The following CWF19L2 variants were observed in gnomAD, a reference collection of about 807,000 sequenced individuals.
The protein encoded by CWF19L2 is CWF19-like protein 2.
CWF19L2 carries 98 observed loss-of-function variants against 111.7 expected under a neutral mutation model. That is an observed-to-expected ratio of 0.88 (90% confidence interval 0.75 to 1.04). The LOEUF (loss-of-function observed/expected upper bound fraction) is 1.04, where lower values mean the gene tolerates loss of function less well. Among genes scored for constraint, CWF19L2 ranks in the 50% least tolerant of loss-of-function variants. CWF19L2 has a pLI of 0.00. For synonymous variants in CWF19L2, 351 were observed against 342.9 expected, an observed-to-expected ratio of 1.02 and a Z score of -0.26; for missense variants, 1,101 against 1,051.4, an observed-to-expected ratio of 1.05 and a Z score of -0.65.
chr11:107,415,164 G>A (rs192836048), intron 10 of CWF19L2, among the ~76,000 whole-genome samples: 26 of 152,190 alleles, frequency 1.7e-4, no homozygotes, highest in East Asian at 9.7e-4. Context: ...CACCAGTCTC[G>A]TTGCTATTCT....
intron 10 of CWF19L2, among the ~76,000 whole-genome samples, chr11:107,409,931 T>C (rs764679359): frequency 1.2e-4 from 19 of 152,150 alleles, no homozygotes; most frequent in Non-Finnish European, 2.1e-4. Context: ...TATTACTCTA[T>C]GTACTAGATA....
intron 12 of CWF19L2, among the ~76,000 whole-genome samples, chr11:107,365,098 C>T (rs1262922020): frequency 2.3e-5 from 3 of 131,734 alleles, no homozygotes; most frequent in Non-Finnish European, 4.8e-5. Flanking sequence ...TTCCTCGACA[C>T]ATACACTCTC....
intron 12 of CWF19L2, among the ~76,000 whole-genome samples, chr11:107,374,335 G>C (rs1163970924): frequency 7.6e-6 from 1 of 131,482 alleles, no homozygotes; most frequent in Admixed American, 7.4e-5. Context: ...CACCAAAGTT[G>C]AAATGAAGGA....
chr11:107,429,806 CAAAAAAA>C (rs33980353), intron 7 of CWF19L2, among the ~76,000 whole-genome samples: 1 of 105,698 alleles, frequency 9.5e-6, no homozygotes, highest in Admixed American at 9.7e-5. Context: ...AGATTCTCAC[CAAAAAAA>C]AAAAAAAAAA....
chr11:107,344,473 T>G (rs1409135943), intron 14 of CWF19L2, among the ~76,000 whole-genome samples: 4 of 152,246 alleles, frequency 2.6e-5, no homozygotes, highest in Non-Finnish European at 4.4e-5. Flanking sequence ...CCCATATTCC[T>G]GAAGGATATT....
intron 10 of CWF19L2, 53 bp from the exon 11 acceptor site, chr11:107,392,948 G>T: frequency 8.8e-7 from 1 of 1,131,002 alleles, no homozygotes; most frequent in Non-Finnish European, 1.3e-6. Context: ...AATGTTGAAT[G>T]TTTTTATTTA....
At chr11:107,410,357 T>A (rs554088279) in intron 10 of CWF19L2, among the ~76,000 whole-genome samples, 2 of 152,174 alleles carry the variant, frequency 1.3e-5, no homozygotes, top group African/African-American at 2.4e-5. Flanking sequence ...CAGTAGAGAA[T>A]TCTTTCAGAA....
At chr11:107,405,839 C>CAA (rs1555023830) in intron 10 of CWF19L2, among the ~76,000 whole-genome samples, 1,548 of 81,216 alleles carry the variant, frequency 0.019, 28 homozygotes, top group African/African-American at 0.052. Flanking sequence ...TGAAGCAAGC[C>CAA]AAAAAAAAAA....
At chr11:107,415,601 A>G (rs922210855) in intron 10 of CWF19L2, among the ~76,000 whole-genome samples, 7 of 152,248 alleles carry the variant, frequency 4.6e-5, no homozygotes, top group Non-Finnish European at 1.0e-4. Context: ...ACAGTTAAGA[A>G]GCAGTTTGAC....
At chr11:107,364,926 G>A (rs1860415463) in intron 12 of CWF19L2, among the ~76,000 whole-genome samples, 2 of 89,136 alleles carry the variant, frequency 2.2e-5, no homozygotes, top group Admixed American at 2.4e-4. Context: ...TAGACCGCTA[G>A]CAAGACTAAT....
rs1369544177 is a variant in CWF19L2 at position 107,403,957 on chromosome 11, A to G, written c.1618-11062T>C. 1.8e-5 allele frequency: 16 copies of G among 885,604 alleles called. No homozygotes were observed. The East Asian group carries it at 3.9e-4, about 21-fold the overall frequency. The allele number at this position is 885,604 out of a possible 1,614,324, so 54.9% of individuals were successfully genotyped here. A position where few individuals can be genotyped will look rare whatever the true frequency, so the allele number is the denominator to read the frequency against. ...CCTGTCGTTTAAGGACCTGCATTCT[A>G]GCTGTTGCGACAACTGACCGAACGT... On this transcript the variant is annotated intron_variant, in intron 10 of 17. Coordinates refer to ENST00000282251, the MANE Select transcript of CWF19L2 (RefSeq NM_152434.3).
At chr11:107,423,485 T>C (rs958559447) in intron 8 of CWF19L2, among the ~76,000 whole-genome samples, 1 of 151,956 alleles carries the variant, frequency 6.6e-6, no homozygotes, top group African/African-American at 2.4e-5. Flanking sequence ...CAAATTCTTG[T>C]TTCCTAAGTG....
chr11:107,394,408 G>A (rs924636583), intron 10 of CWF19L2, among the ~76,000 whole-genome samples: 4 of 152,098 alleles, frequency 2.6e-5, no homozygotes, highest in Admixed American at 2.0e-4. Context: ...GATAAAGCTG[G>A]TCTCCCTAAG....
chr11:107,424,289 C>G (rs1375669463), intron 8 of CWF19L2, among the ~76,000 whole-genome samples: 1 of 151,494 alleles, frequency 6.6e-6, no homozygotes, highest in Non-Finnish European at 1.5e-5. Flanking sequence ...GCTCAGTTGC[C>G]CCATCTATCA....
Position 107,425,853 on chromosome 11 carries a change from G to A in CWF19L2, c.1433+2946C>T, listed in dbSNP as rs1861368578. Reference sequence around the variant, plus strand: ...TTAAATTTGTAAAACCAAAATTAAGGACTTCTCATTAATTTTTGTTCACAT... The same window carrying A: ...TTAAATTTGTAAAACCAAAATTAAGAACTTCTCATTAATTTTTGTTCACAT... On this transcript the variant is annotated intron_variant, in intron 8 of 17. Coordinates refer to ENST00000282251, the MANE Select transcript of CWF19L2 (RefSeq NM_152434.3). Among the ~76,000 whole-genome samples, 10 of 151,978 alleles carry A rather than the reference G, an allele frequency of 6.6e-5. 1 individual carries two copies. The highest frequency in any genetic ancestry group is 2.4e-4 in the African/African-American group (10 of 41,522).
chr11:107,387,548 T>G (rs1860788634), intron 12 of CWF19L2, among the ~76,000 whole-genome samples: 1 of 151,790 alleles, frequency 6.6e-6, no homozygotes, highest in Non-Finnish European at 1.5e-5. Context: ...AGACACTACC[T>G]CAGCAGTCCC....
intron 7 of CWF19L2, 147 bp from the exon 8 acceptor site, chr11:107,429,598 T>C (rs1861435103): frequency 1.8e-6 from 1 of 564,984 alleles, no homozygotes; most frequent in South Asian, 2.9e-5. Context: ...AATCATCCTA[T>C]ACGGAAACGA....
chr11:107,394,471 G>A (rs1860893774), intron 10 of CWF19L2, among the ~76,000 whole-genome samples: 3 of 152,090 alleles, frequency 2.0e-5, no homozygotes, highest in Admixed American at 6.5e-5. Flanking sequence ...CATCTTCCCT[G>A]ATTTGAAAGC....
At chr11:107,345,955 A>G (rs1169705106) in intron 14 of CWF19L2, among the ~76,000 whole-genome samples, 1 of 152,130 alleles carries the variant, frequency 6.6e-6, no homozygotes, top group Non-Finnish European at 1.5e-5. Flanking sequence ...AAAACACTTC[A>G]TTCTTTGGGT....
Sources: allele counts gnomAD v4.1 joint callset (sites outside exome capture counted in the v4.1 genomes callset), GRCh38; gene constraint gnomAD v4.1.1; transcripts MANE v1.5; gene names NCBI Gene and HGNC (gene_info 2026-07-23, HGNC 2026-07-21).